The following ADAM20 variants were observed in gnomAD, a reference collection of about 807,000 sequenced individuals.
ADAM20 encodes the protein disintegrin and metalloproteinase domain-containing protein 20.
For synonymous variants in ADAM20, 305 were observed against 310.2 expected (o/e 0.98, Z 0.18); for missense variants, 871 against 883.2 (o/e 0.99, Z 0.18).
At chr14:70,558,433 T>C in the ADAM20 span, among the ~76,000 whole-genome samples, 1 of 152,178 alleles carries the variant, frequency 6.6e-6, no homozygotes, top group African/African-American at 2.4e-5. Flanking sequence ...TGCTGGTGAA[T>C]TACTTAACTT....
At chr14:70,568,565 A>C in the ADAM20 span, among the ~76,000 whole-genome samples, 239 of 152,352 alleles carry the variant, frequency 1.6e-3, no homozygotes, top group African/African-American at 5.2e-3. Flanking sequence ...AAAATATTCA[A>C]AATAAGGATA....
chr14:70,545,786 C>A, the ADAM20 span, among the ~76,000 whole-genome samples: 1 of 152,190 alleles, frequency 6.6e-6, no homozygotes, highest in Non-Finnish European at 1.5e-5. Flanking sequence ...CAACATGCCA[C>A]TTTCAGCATT....
At chr14:70,573,233 C>A in the ADAM20 span, among the ~76,000 whole-genome samples, 1 of 152,116 alleles carries the variant, frequency 6.6e-6, no homozygotes, top group Admixed American at 6.5e-5. Flanking sequence ...TACATATATA[C>A]CATGGAATAC....
intron 1 of ADAM20, among the ~76,000 whole-genome samples, chr14:70,534,124 ACG>A (rs1021609992): frequency 6.8e-6 from 1 of 148,034 alleles, no homozygotes; most frequent in Non-Finnish European, 1.5e-5. Flanking sequence ...ACACACACAC[ACG>A]CACACAAAAA....
Position 70,523,696 on chromosome 14 carries a change from G to C in ADAM20, c.1062C>G (p.Thr354=). 1 of 1,613,956 alleles carries C rather than the reference G, an allele frequency of 6.2e-7. No homozygotes were observed. The highest frequency in any genetic ancestry group is 8.5e-7 in the Non-Finnish European group (1 of 1,179,968). Reference sequence around the variant, plus strand: ...ACTGTAGCTCGCACACACACCACTGGGTGTCATGTTGCATACCCAAATTAT... The same window carrying C: ...ACTGTAGCTCGCACACACACCACTGCGTGTCATGTTGCATACCCAAATTAT... ...LGHNLGMQHD[T]QWCVCELQWC... The change falls in exon 2 of 2, where the codon ACC becomes ACG. Residue 354 remains threonine, a synonymous_variant. Transcript: ENST00000256389.
the ADAM20 span, among the ~76,000 whole-genome samples, chr14:70,554,945 G>T: frequency 6.6e-6 from 1 of 152,212 alleles, no homozygotes; most frequent in Admixed American, 6.5e-5. Context: ...AAGGCGTCGT[G>T]ACAGAATTTT....
At chr14:70,573,208 A>G in the ADAM20 span, among the ~76,000 whole-genome samples, 1 of 152,250 alleles carries the variant, frequency 6.6e-6, no homozygotes, top group Non-Finnish European at 1.5e-5. Context: ...GGTGGATTGC[A>G]TAAAGAAAAT....
chr14:70,574,034 T>C, the ADAM20 span, among the ~76,000 whole-genome samples: 50 of 152,306 alleles, frequency 3.3e-4, no homozygotes, highest in East Asian at 8.5e-3. Flanking sequence ...ACAGATTATA[T>C]ACAGAACAGT....
chr14:70,573,450 A>G, the ADAM20 span, among the ~76,000 whole-genome samples: 1 of 152,228 alleles, frequency 6.6e-6, no homozygotes, highest in Admixed American at 6.5e-5. Flanking sequence ...GAAGATGGGA[A>G]AGAGTTGGAA....
the ADAM20 span, among the ~76,000 whole-genome samples, chr14:70,553,967 A>C: frequency 6.6e-6 from 1 of 152,230 alleles, no homozygotes; most frequent in African/African-American, 2.4e-5. Context: ...AGTAAAGGGC[A>C]TCCAAACTGG....
chr14:70,568,947 T>C, the ADAM20 span, among the ~76,000 whole-genome samples: 3 of 151,832 alleles, frequency 2.0e-5, no homozygotes, highest in Non-Finnish European at 4.4e-5. Flanking sequence ...TATAAGAAAC[T>C]GAGAGTACAC....
chr14:70,563,073 G>A, the ADAM20 span, among the ~76,000 whole-genome samples: 1 of 152,218 alleles, frequency 6.6e-6, no homozygotes, highest in East Asian at 1.9e-4. Flanking sequence ...AGCAATCTGA[G>A]AAGAATTCTC....
chr14:70,578,662 A>G, the ADAM20 span, among the ~76,000 whole-genome samples: 1 of 152,170 alleles, frequency 6.6e-6, no homozygotes, highest in South Asian at 2.1e-4. Context: ...AACAAATAAC[A>G]TTAAAAGTGG....
At chr14:70,558,153 G>A in the ADAM20 span, among the ~76,000 whole-genome samples, 2 of 152,120 alleles carry the variant, frequency 1.3e-5, no homozygotes, top group Non-Finnish European at 1.5e-5. Context: ...TGTAAAATCT[G>A]AAGGAGAAAT....
the ADAM20 span, among the ~76,000 whole-genome samples, chr14:70,578,594 C>T: frequency 6.6e-6 from 1 of 152,146 alleles, no homozygotes; most frequent in South Asian, 2.1e-4. Flanking sequence ...CATTATGCAT[C>T]CAACAAAGCA....
chr14:70,526,017 G>A (rs988606909), intron 1 of ADAM20, among the ~76,000 whole-genome samples: 34 of 152,144 alleles, frequency 2.2e-4, no homozygotes, highest in African/African-American at 8.2e-4. Context: ...CAATCTCAAT[G>A]TTCCAAAGAA....
At chr14:70,559,312 C>CT in the ADAM20 span, among the ~76,000 whole-genome samples, 42,055 of 147,806 alleles carry the variant, frequency 0.28, 7,695 homozygotes, top group East Asian at 0.52. Flanking sequence ...TCCTTAATTC[C>CT]TTTTTTTTTT....
intron 1 of ADAM20, among the ~76,000 whole-genome samples, chr14:70,528,184 T>C (rs757746423): frequency 6.6e-6 from 1 of 152,244 alleles, no homozygotes; most frequent in Non-Finnish European, 1.5e-5. Context: ...GTATCCTTAA[T>C]ATAATTATGT....
intron 1 of ADAM20, among the ~76,000 whole-genome samples, chr14:70,532,169 T>C (rs1883725481): frequency 1.3e-5 from 2 of 151,734 alleles, no homozygotes; most frequent in Admixed American, 1.3e-4. Flanking sequence ...AGCCCAGAAG[T>C]AAACCCAGAC....
Sources: gnomAD v4.1 joint callset for allele counts (sites outside exome capture counted in the v4.1 genomes callset) on GRCh38, gnomAD v4.1.1 for gene constraint, MANE v1.5 for transcripts, NCBI Gene and HGNC (gene_info 2026-07-23, HGNC 2026-07-21) for gene names.